HCRTR2: variants seen among roughly 807,000 people sequenced by gnomAD.
The protein encoded by HCRTR2 is hypocretin receptor 2, also known as orexin receptor type 2.
In HCRTR2, 22 loss-of-function variants were observed where a neutral mutation model predicts 49.0. The observed-to-expected ratio is 0.45, with a 90% CI of 0.32 to 0.64. The LOEUF (loss-of-function observed/expected upper bound fraction) is 0.64. Among genes scored for constraint, HCRTR2 ranks in the 30% least tolerant of loss-of-function variants. The pLI is 0.04. For synonymous variants in HCRTR2, 236 were observed against 205.3 expected (o/e 1.15, Z -1.28); for missense variants, 491 against 559.4 (o/e 0.88, Z 1.23).
rs1192651059 is a variant in HCRTR2, at chr6:55,154,025, G to GA, written c.-377-20178dup. Among the ~76,000 whole-genome samples, 7 of 151,192 alleles carry GA rather than the reference G, an allele frequency of 4.6e-5. No individual in the cohort carries two copies. The South Asian group carries it at 6.2e-4, about 13-fold the overall frequency. On this transcript the variant is annotated intron_variant, in intron 1 of 7. Coordinates refer to the HCRTR2 transcript ENST00000615358. Reference sequence around the variant, plus strand: ...ATACACCAATAAATTGGACAACCTAGAAAAAAAATGGATAAATTCCTAGAA... The same window carrying GA: ...ATACACCAATAAATTGGACAACCTAGAAAAAAAAATGGATAAATTCCTAGAA...
In HCRTR2 at chr6:55,255,277, A is replaced by T. The variant is rs780048208; in HGVS notation, c.544A>T (p.Ile182Phe). The T allele has an allele frequency of 2.5e-6, 4 of 1,613,910 alleles. No individual in the cohort carries two copies. In the African/African-American group the frequency reaches 5.3e-5, roughly 22 times the overall value. ...SIVIIWIVSC[I>F]IMIPQAIVME... Reference sequence around the variant, plus strand: ...TGTCATCATCTGGATTGTCTCCTGCATTATAATGATTCCTCAGGCCATCGT... The same window carrying T: ...TGTCATCATCTGGATTGTCTCCTGCTTTATAATGATTCCTCAGGCCATCGT... The change falls in exon 3 of 7, where the codon ATT (isoleucine) becomes TTT (phenylalanine). Residue 182 changes from isoleucine (I) to phenylalanine (F), a missense_variant. Coordinates refer to ENST00000370862, the MANE Select transcript of HCRTR2 (RefSeq NM_001384272.1).
chr6:55,245,408 C>G lies in HCRTR2; in HGVS notation c.224-3231C>G, dbSNP rs1202885485. Among the ~76,000 whole-genome samples the G allele has an allele frequency of 2.1e-5, 3 of 142,944 alleles. No individual in the cohort carries two copies. The East Asian group carries it at 6.1e-4, about 29-fold the overall frequency. The allele number at this position is 142,944 out of a possible 152,430, so 93.8% of individuals were successfully genotyped here. A position where few individuals can be genotyped will look rare whatever the true frequency, so the allele number is the denominator to read the frequency against. ...ATATGTATATATATATACACACACA[C>G]ACACATAGGAATACATACATGTATA... On this transcript the variant is annotated intron_variant, in intron 1 of 6. Transcript: ENST00000370862.
rs184067625 is a variant in HCRTR2, at chr6:55,213,031, G to A, written c.224-35608G>A. ...ATTGTATGTGGATCAGGTAGTTGCA[G>A]GGTGACTCTCAAGGGCGAGAAGAAA... On this transcript the variant is annotated intron_variant, in intron 1 of 6. Coordinates refer to ENST00000370862, the MANE Select transcript of HCRTR2 (RefSeq NM_001384272.1). Among the ~76,000 whole-genome samples, 433 of 152,114 alleles carry A rather than the reference G, an allele frequency of 2.8e-3. 4 individuals carry two copies. The highest frequency in any genetic ancestry group is 8.9e-3 in the African/African-American group (368 of 41,508).
chr6:55,216,988 G>A (rs1765798709), intron 1 of HCRTR2, among the ~76,000 whole-genome samples: 1 of 152,138 alleles, frequency 6.6e-6, no homozygotes, highest in Non-Finnish European at 1.5e-5. Context: ...GCACCAGGTG[G>A]ACACTGCCAA....
At position 55,255,370 on chromosome 6, in the gene HCRTR2, C is replaced by T. The variant is rs369531858; in HGVS notation, c.637C>T (p.Arg213Cys). Residue 213 changes from arginine to cysteine, a missense_variant, in exon 3 of 7, where the codon CGC (arginine) becomes TGC (cysteine). By Grantham distance (180) the Arg-to-Cys change is radical (BLOSUM62 -3). Coordinates refer to ENST00000370862, the MANE Select transcript of HCRTR2 (RefSeq NM_001384272.1). ...CACCCTCTTTACGGTGTGTGATGAGCGCTGGGGTGGTAAGTACCTTATGGC... is the reference window on the plus strand; with the variant it reads ...CACCCTCTTTACGGTGTGTGATGAGTGCTGGGGTGGTAAGTACCTTATGGC... ...KTTLFTVCDE[R>C]WGGEIYPKMY... The T allele has an allele frequency of 1.9e-6, 3 of 1,613,814 alleles. No homozygotes were observed. Among genetic ancestry groups the T allele is most frequent in the African/African-American group, 1.3e-5 (1 of 74,862 alleles).
intron 1 of HCRTR2, among the ~76,000 whole-genome samples, chr6:55,185,582 A>T (rs1484138193): frequency 6.6e-6 from 1 of 152,176 alleles, no homozygotes; most frequent in African/African-American, 2.4e-5. Context: ...TAATTAATAC[A>T]CCCTAATTTT....
At chr6:55,180,358 C>A (rs1182312249) in intron 1 of HCRTR2, among the ~76,000 whole-genome samples, 2 of 152,112 alleles carry the variant, frequency 1.3e-5, no homozygotes, top group African/African-American at 4.8e-5. Context: ...GATGCATAGG[C>A]AAAAAGAGGA....
At chr6:55,135,501 T>C (rs540410868) in intron 1 of HCRTR2, among the ~76,000 whole-genome samples, 2 of 152,190 alleles carry the variant, frequency 1.3e-5, no homozygotes, top group South Asian at 4.1e-4. Context: ...CATTTATCTC[T>C]CCTCTCACAA....
intron 1 of HCRTR2, among the ~76,000 whole-genome samples, chr6:55,245,075 T>C (rs1369780622): frequency 6.6e-6 from 1 of 151,958 alleles, no homozygotes; most frequent in Non-Finnish European, 1.5e-5. Context: ...TATAGGCTTA[T>C]AGCATAATTT....
chr6:55,248,561 A>G (rs1233761430), intron 1 of HCRTR2, 78 bp from the exon 2 acceptor site: 6 of 1,167,412 alleles, frequency 5.1e-6, no homozygotes, highest in Non-Finnish European at 7.7e-6. Context: ...TGTGGACTTT[A>G]TAGAAATACT....
At chr6:55,170,734 T>TCCCCC (rs11432290), upstream of HCRTR2, among the ~76,000 whole-genome samples, 1 of 107,272 alleles carries the variant, frequency 9.3e-6, no homozygotes, top group African/African-American at 3.7e-5. Flanking sequence ...CCCTCCCCCC[T>TCCCCC]CCCCCACCCC....
At position 55,150,851 on chromosome 6, in the gene HCRTR2, A is replaced by C. The variant is rs558634355; in HGVS notation, c.-377-23360A>C. Among the ~76,000 whole-genome samples, 3 of 152,088 alleles carry C rather than the reference A, an allele frequency of 2.0e-5. No individual in the cohort carries two copies. In the East Asian group the frequency reaches 5.8e-4, roughly 29 times the overall value. ...GATTTCAATTCCTTTGTCCCTGTAC[A>C]CTTTCCTTAGAGGATACTGCAGGTT... On this transcript the variant is annotated intron_variant, in intron 1 of 7. Transcript: ENST00000615358.
chr6:55,181,827 G>A (rs1765139423), intron 1 of HCRTR2, among the ~76,000 whole-genome samples: 1 of 152,174 alleles, frequency 6.6e-6, no homozygotes. Context: ...ATATGTGATT[G>A]TGTCAAAACT....
chr6:55,141,733 C>A (rs1375083619), intron 1 of HCRTR2, among the ~76,000 whole-genome samples: 1 of 151,838 alleles, frequency 6.6e-6, no homozygotes, highest in Admixed American at 6.6e-5. Context: ...TACAACTGGA[C>A]AGAATTTAGA....
At chr6:55,245,602 T>C (rs899259201) in intron 1 of HCRTR2, among the ~76,000 whole-genome samples, 3 of 150,528 alleles carry the variant, frequency 2.0e-5, no homozygotes, top group African/African-American at 7.3e-5. Flanking sequence ...TCCTTCTCAT[T>C]GTTGCTCTGA....
intron 1 of HCRTR2, among the ~76,000 whole-genome samples, chr6:55,165,416 T>C (rs947298307): frequency 1.3e-5 from 2 of 152,040 alleles, no homozygotes; most frequent in Non-Finnish European, 2.9e-5. Context: ...GTTGGGATAA[T>C]TGGGTATGCA....
In HCRTR2 at chr6:55,174,564, A is replaced by G; in HGVS notation, c.-24A>G. On this transcript the variant is annotated 5_prime_UTR_variant, in exon 1 of 7. The change abolishes the stop of an existing upstream ORF in the 5' untranslated region. Transcript: ENST00000370862. ...AGGCGGAGAGGAGCTTGCAGCATTG[A>G]GCGGAACCGGACTTGAGCCCGTGAT... 6.3e-7 allele frequency: 1 copy of G among 1,594,152 alleles called. No individual in the cohort carries two copies. The highest frequency in any genetic ancestry group is 8.6e-7 in the Non-Finnish European group (1 of 1,161,998).
intron 1 of HCRTR2, among the ~76,000 whole-genome samples, chr6:55,230,393 C>A (rs1317148366): frequency 6.6e-6 from 1 of 152,074 alleles, no homozygotes; most frequent in Non-Finnish European, 1.5e-5. Context: ...AGAGCATAAT[C>A]CCTAGAAAGC....
intron 1 of HCRTR2, among the ~76,000 whole-genome samples, chr6:55,199,133 T>C (rs544097576): frequency 6.6e-6 from 1 of 152,220 alleles, no homozygotes; most frequent in African/African-American, 2.4e-5. Flanking sequence ...TTACTGTTAA[T>C]GGGAGAATGA....
Sources: gnomAD v4.1 joint callset for allele counts (sites outside exome capture counted in the v4.1 genomes callset) on GRCh38, gnomAD v4.1.1 for gene constraint, MANE v1.5 for transcripts, NCBI Gene and HGNC (gene_info 2026-07-23, HGNC 2026-07-21) for gene names.